The following RERG variants were observed in gnomAD, a reference collection of about 807,000 sequenced individuals.
The protein encoded by RERG is ras-related and estrogen-regulated growth inhibitor.
RERG carries 25 observed loss-of-function variants against 23.2 expected under a neutral mutation model. The ratio of observed to expected loss-of-function variants is 1.08; its 90% CI spans 0.79 to 1.50. The LOEUF (loss-of-function observed/expected upper bound fraction) is 1.50. Among genes scored for constraint, RERG ranks in the 40% most tolerant of loss-of-function variants. The pLI is 0.00. For synonymous variants in RERG, 81 were observed against 89.1 expected (o/e 0.91, Z 0.51); for missense variants, 253 against 250.1 (o/e 1.01, Z -0.08).
chr12:15,188,778 G>A (rs771942003), intron 2 of RERG, among the ~76,000 whole-genome samples: 2 of 152,148 alleles, frequency 1.3e-5, no homozygotes, highest in Non-Finnish European at 2.9e-5. Flanking sequence ...TGAAATTATA[G>A]TCCTTAGAGA....
chr12:15,119,521 T>G (rs1171423611), intron 3 of RERG, among the ~76,000 whole-genome samples: 2 of 152,104 alleles, frequency 1.3e-5, no homozygotes, highest in East Asian at 3.8e-4. Flanking sequence ...GTAAAACTTA[T>G]GTAAGTAATA....
intron 2 of RERG, among the ~76,000 whole-genome samples, chr12:15,177,355 A>G (rs1260423363): frequency 6.6e-6 from 1 of 152,196 alleles, no homozygotes; most frequent in African/African-American, 2.4e-5. Flanking sequence ...TGGGAGGGTG[A>G]GGCAGGAAAA....
chr12:15,202,815 A>G (rs1865235942), intron 2 of RERG, among the ~76,000 whole-genome samples: 1 of 151,736 alleles, frequency 6.6e-6, no homozygotes, highest in African/African-American at 2.4e-5. Flanking sequence ...GCATATATCC[A>G]GGAGTGGAAT....
At chr12:15,218,764 T>C (rs1865477865) in intron 1 of RERG, among the ~76,000 whole-genome samples, 1 of 151,992 alleles carries the variant, frequency 6.6e-6, no homozygotes, top group South Asian at 2.1e-4. Flanking sequence ...TCTAGGAACA[T>C]GAGGCCCAGC....
At chr12:15,151,591 GA>G (rs1416288284) in intron 2 of RERG, among the ~76,000 whole-genome samples, 1 of 152,122 alleles carries the variant, frequency 6.6e-6, no homozygotes, top group African/African-American at 2.4e-5. Flanking sequence ...GAGATGGGGG[GA>G]AAAATGCTAA....
intron 2 of RERG, among the ~76,000 whole-genome samples, chr12:15,209,540 T>C (rs963017693): frequency 2.0e-5 from 3 of 152,114 alleles, no homozygotes; most frequent in Non-Finnish European, 2.9e-5. Flanking sequence ...TCCGAGGCTA[T>C]AAGAAATAGA....
chr12:15,191,101 G>A (rs996829963), intron 2 of RERG, among the ~76,000 whole-genome samples: 5 of 152,018 alleles, frequency 3.3e-5, no homozygotes, highest in African/African-American at 7.2e-5. Context: ...AGACAGTTAC[G>A]GATTCTACCC....
intron 2 of RERG, among the ~76,000 whole-genome samples, chr12:15,185,371 A>C (rs1276776388): frequency 3.3e-5 from 5 of 152,144 alleles, no homozygotes; most frequent in African/African-American, 7.2e-5. Flanking sequence ...ATCAATGGAC[A>C]GGGGACTCAG....
At chr12:15,205,081 A>T (rs12821508) in intron 2 of RERG, among the ~76,000 whole-genome samples, 2 of 151,864 alleles carry the variant, frequency 1.3e-5, no homozygotes, top group South Asian at 4.1e-4. Flanking sequence ...GCAACTCTGT[A>T]TAATTATCTA....
chr12:15,151,569 A>G (rs893399310), intron 2 of RERG, among the ~76,000 whole-genome samples: 2 of 152,222 alleles, frequency 1.3e-5, no homozygotes, highest in African/African-American at 4.8e-5. Flanking sequence ...GAAAGAAAAC[A>G]CTATTCATCT....
intron 2 of RERG, among the ~76,000 whole-genome samples, chr12:15,196,623 G>A (rs1243901569): frequency 2.0e-5 from 3 of 152,128 alleles, no homozygotes; most frequent in African/African-American, 4.8e-5. Context: ...AGCTTTTAGC[G>A]ATTGGTGAGC....
rs550686680 is a variant in RERG, at chr12:15,197,158, C to A, written c.61+20271G>T. ...TATGTCAGACAAACACACAAAAATGCCTGTTTTCTGTAACTTAGATTGTAG... is the reference window on the plus strand; with the variant it reads ...TATGTCAGACAAACACACAAAAATGACTGTTTTCTGTAACTTAGATTGTAG... On this transcript the variant is annotated intron_variant, in intron 2 of 4. Coordinates refer to ENST00000256953, the MANE Select transcript of RERG (RefSeq NM_032918.3). Among the ~76,000 whole-genome samples the A allele has an allele frequency of 2.2e-3, 342 of 152,244 alleles. 2 individuals carry two copies. Among genetic ancestry groups the A allele is most frequent in the South Asian group, 7.9e-3 (38 of 4,830 alleles).
intron 2 of RERG, among the ~76,000 whole-genome samples, chr12:15,158,671 A>G (rs143825589): frequency 4.2e-4 from 64 of 152,248 alleles, no homozygotes; most frequent in African/African-American, 1.5e-3. Context: ...AGAGAGATAG[A>G]CTAAAATGTC....
At chr12:15,208,317 AG>A (rs1191712501) in intron 2 of RERG, among the ~76,000 whole-genome samples, 3 of 152,126 alleles carry the variant, frequency 2.0e-5, no homozygotes, top group East Asian at 3.8e-4. Context: ...AGTTGTGCAA[AG>A]GTGGATGTGC....
intron 2 of RERG, among the ~76,000 whole-genome samples, chr12:15,123,383 T>C (rs1040198419): frequency 6.6e-6 from 1 of 151,668 alleles, no homozygotes; most frequent in Admixed American, 6.6e-5. Flanking sequence ...TTTCTGAAGC[T>C]GTAGAGTGGA....
At chr12:15,205,055 A>C (rs1865265072) in intron 2 of RERG, among the ~76,000 whole-genome samples, 1 of 151,890 alleles carries the variant, frequency 6.6e-6, no homozygotes, top group Non-Finnish European at 1.5e-5. Context: ...GTACACAGGA[A>C]CTCTCTATTA....
intron 1 of RERG, chr12:15,218,110 A>G (rs1865467276): frequency 6.6e-6 from 1 of 152,372 alleles, no homozygotes; most frequent in African/African-American, 2.4e-5. Flanking sequence ...ACACTTGATC[A>G]CATGATGAAT....
At chr12:15,111,279 T>G in intron 4 of RERG, 65 bp downstream of exon 4, 1 of 1,310,094 alleles carries the variant, frequency 7.6e-7, no homozygotes, top group Non-Finnish European at 1.1e-6. Context: ...TTATTTTTGT[T>G]CATAGCATAG....
chr12:15,204,368 C>T (rs538843015), intron 2 of RERG, among the ~76,000 whole-genome samples: 168 of 151,680 alleles, frequency 1.1e-3, no homozygotes, highest in Non-Finnish European at 1.3e-3. Flanking sequence ...ATTCAGTATT[C>T]GTGTGCAAAA....
Sources: gnomAD v4.1 joint callset for allele counts (sites outside exome capture counted in the v4.1 genomes callset) on GRCh38, gnomAD v4.1.1 for gene constraint, MANE v1.5 for transcripts, NCBI Gene and HGNC (gene_info 2026-07-23, HGNC 2026-07-21) for gene names.